RBMS1: variants seen among roughly 807,000 people sequenced by gnomAD.
RBMS1 encodes the protein RNA-binding motif, single-stranded-interacting protein 1.
RBMS1 carries 17 observed loss-of-function variants against 62.3 expected under a neutral mutation model. The observed-to-expected ratio is 0.27, with a 90% confidence interval of 0.19 to 0.41. The LOEUF is 0.41. RBMS1 is among the 10% of genes least tolerant of loss of function. The pLI is 1.00. For missense variants in RBMS1, 334 were observed against 504.5 expected (o/e 0.66, Z 3.24); for synonymous variants, 172 against 170.0 (o/e 1.01, Z -0.09).
chr2:160,275,421 A>C, intron 13 of RBMS1: 2 of 887,180 alleles, frequency 2.3e-6, no homozygotes, highest in Non-Finnish European at 3.0e-6. Context: ...ATTTGGCTTC[A>C]GTATAAAGCA....
At chr2:160,461,473 C>CA (rs1574088748) in intron 1 of RBMS1, among the ~76,000 whole-genome samples, 3 of 152,236 alleles carry the variant, frequency 2.0e-5, no homozygotes, top group East Asian at 3.9e-4. Flanking sequence ...ACAGGAATGA[C>CA]TTCCTGTCCC....
Position 160,493,563 on chromosome 2 carries a change from CTCCTCCTCT to C in RBMS1, c.-209_-201del, listed in dbSNP as rs1685965548. The C allele has an allele frequency of 3.2e-6, 2 of 620,288 alleles. No homozygotes were observed. The highest frequency in any genetic ancestry group is 1.9e-5 in the African/African-American group (1 of 51,594). 38.4% of individuals were successfully genotyped at this position (620,288 alleles called of 1,614,324 possible). On this transcript the variant is annotated 5_prime_UTR_variant, in exon 1 of 14. Coordinates refer to ENST00000348849, the MANE Select transcript of RBMS1 (RefSeq NM_016836.4). The stretch of plus-strand genomic sequence containing the variant: ...CCTCTTCCTCCTCCTCCTCCTCCTC[CTCCTCCTCT>C]TCCTCCTCCTCCTCCTCCTCCCAGG...
chr2:160,324,866 ATGTG>A (rs368566224), intron 2 of RBMS1, among the ~76,000 whole-genome samples: 15 of 113,158 alleles, frequency 1.3e-4, no homozygotes, highest in Non-Finnish European at 2.2e-4. Context: ...TCTAAGCGAG[ATGTG>A]TGTGTGTGTG....
At chr2:160,420,120 T>TA (rs1210779557) in intron 1 of RBMS1, among the ~76,000 whole-genome samples, 2 of 152,172 alleles carry the variant, frequency 1.3e-5, no homozygotes, top group Non-Finnish European at 2.9e-5. Context: ...GCTTCCAAAA[T>TA]AATTTTTTTC....
chr2:160,461,693 T>A (rs1684471857), intron 1 of RBMS1, among the ~76,000 whole-genome samples: 3 of 152,228 alleles, frequency 2.0e-5, no homozygotes, highest in Admixed American at 1.3e-4. Context: ...CCTCTTTGCG[T>A]TATAACCTCC....
chr2:160,370,329 C>A (rs897065434), intron 1 of RBMS1, among the ~76,000 whole-genome samples: 1 of 152,162 alleles, frequency 6.6e-6, no homozygotes, highest in Non-Finnish European at 1.5e-5. Context: ...CCCAAGATTA[C>A]GTTTTTAGAA....
intron 1 of RBMS1, among the ~76,000 whole-genome samples, chr2:160,474,802 G>A (rs934521529): frequency 1.8e-4 from 28 of 152,114 alleles, no homozygotes; most frequent in African/African-American, 6.0e-4. Flanking sequence ...GGAAAAGGTA[G>A]GCAAAAAGTA....
Position 160,284,785 on chromosome 2 carries a change from G to A in RBMS1, c.890C>T (p.Ser297Phe), listed in dbSNP as rs981754831. 1 of 1,594,618 alleles carries A rather than the reference G, an allele frequency of 6.3e-7. No homozygotes were observed. Among genetic ancestry groups the A allele is most frequent in the Admixed American group, 1.7e-5 (1 of 59,982 alleles). ...CCTAAAGGTACAAACCTGGTAGGCA[G>A]ATACAGGAGATGCAATATAGGGTGT... ...SITPYIASPV[S>F]AYQVQSPSWM... Residue 297 changes from serine (S) to phenylalanine (F), a missense_variant, in exon 9 of 14, where the codon TCT becomes TTT. Ser to Phe is a radical substitution (Grantham distance 155). Coordinates refer to ENST00000348849, the MANE Select transcript of RBMS1 (RefSeq NM_016836.4).
intron 1 of RBMS1, among the ~76,000 whole-genome samples, chr2:160,480,635 T>A (rs902078518): frequency 5.9e-5 from 9 of 152,186 alleles, no homozygotes; most frequent in African/African-American, 2.2e-4. Context: ...TCTCCCCCAA[T>A]TGATGTATAG....
At chr2:160,431,731 A>G (rs1682904427) in intron 1 of RBMS1, among the ~76,000 whole-genome samples, 2 of 152,202 alleles carry the variant, frequency 1.3e-5, no homozygotes, top group Non-Finnish European at 2.9e-5. Flanking sequence ...TGTTTCACAC[A>G]TGCTATTCTC....
At chr2:160,287,404 C>T (rs1688457192) in intron 6 of RBMS1, among the ~76,000 whole-genome samples, 3 of 152,154 alleles carry the variant, frequency 2.0e-5, no homozygotes, top group African/African-American at 7.2e-5. Context: ...TGGACCGTCA[C>T]CAAAATAATC....
intron 2 of RBMS1, among the ~76,000 whole-genome samples, chr2:160,354,375 T>G (rs898091119): frequency 6.6e-6 from 1 of 152,056 alleles, no homozygotes; most frequent in African/African-American, 2.4e-5. Flanking sequence ...AACAAAATAT[T>G]ATCTAGCCAG....
At chr2:160,280,890 C>T (rs955995061) in intron 10 of RBMS1, among the ~76,000 whole-genome samples, 3 of 152,088 alleles carry the variant, frequency 2.0e-5, no homozygotes, top group African/African-American at 7.2e-5. Flanking sequence ...TAATGTGCTA[C>T]CACTTTAGTA....
chr2:160,399,306 C>T (rs568085335), intron 1 of RBMS1, among the ~76,000 whole-genome samples: 30 of 152,254 alleles, frequency 2.0e-4, no homozygotes, highest in Admixed American at 1.9e-3. Context: ...CCAATGTATG[C>T]ACATTTTGCA....
intron 12 of RBMS1, among the ~76,000 whole-genome samples, chr2:160,276,856 G>A (rs1310282915): frequency 1.3e-5 from 2 of 152,116 alleles, no homozygotes; most frequent in Admixed American, 1.3e-4. Flanking sequence ...AACGTCCGAG[G>A]GGTATGAAAG....
At chr2:160,393,604 T>C (rs10803763) in intron 1 of RBMS1, among the ~76,000 whole-genome samples, 112,529 of 151,878 alleles carry the variant, frequency 0.74, 42,301 homozygotes, top group East Asian at 0.88. Context: ...AAAGAGAAAC[T>C]TCGTCTCCAC....
chr2:160,446,194 A>G (rs949291761), intron 1 of RBMS1, among the ~76,000 whole-genome samples: 4 of 152,226 alleles, frequency 2.6e-5, no homozygotes, highest in African/African-American at 9.6e-5. Flanking sequence ...ATATGAGACT[A>G]TAAGCAGAGG....
In RBMS1 at chr2:160,488,276, T is replaced by G. The variant is rs190669372; in HGVS notation, c.75+5013A>C. The stretch of plus-strand genomic sequence containing the variant: ...TCCATCAGGTTTCATTATTTATTCA[T>G]TAAAATAAAACAGCAGAGGCTGGGC... On this transcript the variant is annotated intron_variant, in intron 1 of 13. Coordinates refer to ENST00000348849, the MANE Select transcript of RBMS1 (RefSeq NM_016836.4). Among the ~76,000 whole-genome samples the G allele has an allele frequency of 2.0e-5, 3 of 152,278 alleles. No homozygotes were observed. The East Asian group carries it at 5.8e-4, about 29-fold the overall frequency.
chr2:160,441,060 G>C (rs1182364542), intron 1 of RBMS1, among the ~76,000 whole-genome samples: 1 of 152,198 alleles, frequency 6.6e-6, no homozygotes, highest in Non-Finnish European at 1.5e-5. Context: ...ACCACTGTCT[G>C]ATGTCTGTCA....
Sources: gnomAD v4.1 joint callset for allele counts (sites outside exome capture counted in the v4.1 genomes callset) on GRCh38, gnomAD v4.1.1 for gene constraint, MANE v1.5 for transcripts, NCBI Gene and HGNC (gene_info 2026-07-23, HGNC 2026-07-21) for gene names.